The following PAX7 variants were observed in gnomAD, a reference collection of about 807,000 sequenced individuals.
PAX7 encodes the protein paired box 7.
In PAX7, 18 loss-of-function variants were observed where a neutral mutation model predicts 50.7. The observed-to-expected ratio is 0.36, with a 90% confidence interval of 0.25 to 0.53. PAX7 has a LOEUF of 0.53. Among genes scored for constraint, PAX7 ranks in the 20% least tolerant of loss-of-function variants. The pLI is 0.93. For synonymous variants in PAX7, 310 were observed against 290.4 expected (o/e 1.07, Z -0.69); for missense variants, 644 against 702.9 (o/e 0.92, Z 0.95).
At position 18,748,283 on chromosome 1, in the gene PAX7, C is replaced by A. The variant is rs1931529353; in HGVS notation, c.*3354C>A. 4.4e-6 allele frequency: 1 copy of A among 227,656 alleles called. No homozygotes were observed. The highest frequency in any genetic ancestry group is 8.7e-6 in the Non-Finnish European group (1 of 114,666). 14.1% of individuals were successfully genotyped at this position (227,656 alleles called of 1,614,324 possible). On this transcript the variant is annotated 3_prime_UTR_variant, in exon 9 of 9. Transcript: ENST00000420770. Reference sequence around the variant, plus strand: ...TGGTGAAGCATCCAAGATTTTGGATCCTGGGCCTCAGTGACACTCCATCAC... The same window carrying A: ...TGGTGAAGCATCCAAGATTTTGGATACTGGGCCTCAGTGACACTCCATCAC...
At position 18,703,222 on chromosome 1, in the gene PAX7, T is replaced by C; in HGVS notation, c.1081T>C (p.Tyr361His). Residue 361 changes from tyrosine (Y) to histidine (H), a missense_variant, in exon 7 of 9, where the codon TAC (tyrosine) becomes CAC (histidine). By Grantham distance (83) the Tyr-to-His change is moderately conservative. Coordinates refer to ENST00000420770, the MANE Select transcript of PAX7 (RefSeq NM_001135254.2). ...AYGARHSFSS[Y>H]SDSFMNPAAP... ...CGGAGCCCGCCACAGCTTCTCCAGC[T>C]ACTCTGACAGCTTCATGAATCCGGC... is the stretch of plus-strand genomic sequence containing the variant. The C allele has an allele frequency of 6.2e-7, 1 of 1,614,214 alleles. No individual in the cohort carries two copies. The highest frequency in any genetic ancestry group is 1.1e-5 in the South Asian group (1 of 91,082).
Position 18,700,372 on chromosome 1 carries a change from C to T in PAX7, c.787-281C>T, listed in dbSNP as rs573021811. Among the ~76,000 whole-genome samples the T allele has an allele frequency of 2.8e-4, 42 of 152,276 alleles. No individual in the cohort carries two copies. Among genetic ancestry groups the T allele is most frequent in the South Asian group, 2.1e-3 (10 of 4,812 alleles). On this transcript the variant is annotated intron_variant, in intron 5 of 8. Coordinates refer to ENST00000420770, the MANE Select transcript of PAX7 (RefSeq NM_001135254.2). The surrounding 1 kb of genome is among the most constrained non-coding windows in gnomAD (Gnocchi z 4.8). ...GGACTGGCTGGACCACTGACTCAAC[C>T]TGGCCCATGGACAAGTCACCCACTT...
At chr1:18,727,728 G>A (rs1238820342) in intron 7 of PAX7, among the ~76,000 whole-genome samples, 1 of 152,188 alleles carries the variant, frequency 6.6e-6, no homozygotes, top group East Asian at 1.9e-4. Context: ...GGAGGGCTTC[G>A]AGGGTGACAA....
chr1:18,744,784 A>G, intron 8 of PAX7, 30 bp from the exon 9 acceptor site: 7 of 1,364,864 alleles, frequency 5.1e-6, no homozygotes, highest in Non-Finnish European at 5.1e-6. Flanking sequence ...AAGAACCTCA[A>G]TTTCTAGGAG....
chr1:18,712,352 A>C (rs556669939), intron 7 of PAX7, among the ~76,000 whole-genome samples: 1 of 152,338 alleles, frequency 6.6e-6, no homozygotes, highest in Non-Finnish European at 1.5e-5. Flanking sequence ...CACCTGCTCA[A>C]GTCCATCAGA....
chr1:18,740,194 C>T (rs1426865469), intron 8 of PAX7, among the ~76,000 whole-genome samples: 7 of 152,206 alleles, frequency 4.6e-5, no homozygotes, highest in Non-Finnish European at 8.8e-5. Flanking sequence ...ACCCTGCCCT[C>T]GCCGGCCCCT....
In PAX7 at chr1:18,631,672, G is replaced by A; in HGVS notation, c.69G>A (p.Thr23=). The change falls in exon 1 of 9, where the codon ACG becomes ACA. Residue 23 remains threonine, a synonymous_variant. Transcript: ENST00000420770. ...CTCCGGGGCAGAACTACCCCCGCAC[G>A]GGATTCCCTTTGGAAGGTAAGAACG... ...RPAPGQNYPR[T]GFPLEVSTPL... is the part of the protein sequence containing the mutation. The A allele has an allele frequency of 6.2e-7, 1 of 1,612,742 alleles. No individual in the cohort carries two copies. Among genetic ancestry groups the A allele is most frequent in the South Asian group, 1.1e-5 (1 of 90,606 alleles).
chr1:18,702,920 A>T (rs961253892), intron 6 of PAX7, among the ~76,000 whole-genome samples, 174 bp from the exon 7 acceptor site: 16 of 152,140 alleles, frequency 1.1e-4, no homozygotes, highest in Non-Finnish European at 2.2e-4. Flanking sequence ...GCCAGTGCCT[A>T]CTGCCCTGCC....
intron 4 of PAX7, among the ~76,000 whole-genome samples, chr1:18,651,840 C>T (rs1178303984): frequency 6.7e-6 from 1 of 148,532 alleles, no homozygotes; most frequent in Non-Finnish European, 1.5e-5. Flanking sequence ...ACCCCACCGC[C>T]TCTTCATGCA....
At chr1:18,663,754 G>T (rs1203499592) in intron 4 of PAX7, among the ~76,000 whole-genome samples, 1 of 152,230 alleles carries the variant, frequency 6.6e-6, no homozygotes, top group Non-Finnish European at 1.5e-5. Context: ...GGAGGAACTG[G>T]CCGTATCCTA....
chr1:18,705,487 G>A (rs1047042692), intron 7 of PAX7, among the ~76,000 whole-genome samples: 12 of 152,166 alleles, frequency 7.9e-5, no homozygotes, highest in Admixed American at 3.3e-4. Context: ...GTACACATTG[G>A]CCAGGCCAGG....
In PAX7 at chr1:18,700,077, C is replaced by CGTGTGTGTGT. The variant is rs66600721; in HGVS notation, c.787-545_787-536dup. Among the ~76,000 whole-genome samples the CGTGTGTGTGT allele has an allele frequency of 8.2e-5, 12 of 145,770 alleles. No homozygotes were observed. Among genetic ancestry groups the CGTGTGTGTGT allele is most frequent in the Admixed American group, 2.7e-4 (4 of 14,610 alleles). On this transcript the variant is annotated intron_variant, in intron 5 of 8. Transcript: ENST00000420770. This position sits in a 1 kb window ranked among gnomAD's most constrained non-coding sequence, Gnocchi z 4.8. Reference sequence around the variant, plus strand: ...TTATCCCACTAATGTTTGATAAATCCGTGTGTGTGTGTGTGTGTGTGTGTG... The same window carrying CGTGTGTGTGT: ...TTATCCCACTAATGTTTGATAAATCCGTGTGTGTGTGTGTGTGTGTGTGTGTGTGTGTGTG...
chr1:18,703,195 T>C lies in PAX7; in HGVS notation c.1054T>C (p.Tyr352His). Residue 352 changes from tyrosine (Y) to histidine (H), a missense_variant, in exon 7 of 9, where the codon TAC becomes CAC. Coordinates refer to ENST00000420770, the MANE Select transcript of PAX7 (RefSeq NM_001135254.2). ...AAAAADTSSA[Y>H]GARHSFSSYS... ...TGCAGCCGCCGACACCAGCTCTGCC[T>C]ACGGAGCCCGCCACAGCTTCTCCAG... The C allele has an allele frequency of 1.2e-6, 2 of 1,613,846 alleles. No individual in the cohort carries two copies. The highest frequency in any genetic ancestry group is 2.7e-5 in the African/African-American group (2 of 75,072).
At chr1:18,678,492 TAG>T (rs757815820) in intron 4 of PAX7, among the ~76,000 whole-genome samples, 3 of 152,024 alleles carry the variant, frequency 2.0e-5, no homozygotes, top group Non-Finnish European at 4.4e-5. Flanking sequence ...TAAGAAAAAA[TAG>T]AGTTTCCATC....
intron 4 of PAX7, among the ~76,000 whole-genome samples, chr1:18,688,413 C>T (rs1017211555): frequency 2.0e-5 from 3 of 152,198 alleles, no homozygotes; most frequent in African/African-American, 7.2e-5. Context: ...CCACGTGTGA[C>T]TATGCAAATT....
intron 4 of PAX7, among the ~76,000 whole-genome samples, chr1:18,653,430 C>T (rs12092540): frequency 0.021 from 3,205 of 152,010 alleles, 124 homozygotes; most frequent in African/African-American, 0.073. Flanking sequence ...TAGGAAGTGG[C>T]GTTGGTTTGT....
intron 4 of PAX7, among the ~76,000 whole-genome samples, chr1:18,651,036 G>C (rs1174891645): frequency 6.6e-6 from 1 of 152,030 alleles, no homozygotes; most frequent in South Asian, 2.1e-4. Context: ...TTCAGTGCAC[G>C]GAAGGACCCC....
At chr1:18,642,946 G>T (rs1304768012) in intron 4 of PAX7, among the ~76,000 whole-genome samples, 3 of 151,806 alleles carry the variant, frequency 2.0e-5, no homozygotes, top group Non-Finnish European at 4.4e-5. Flanking sequence ...GGAAGAGACG[G>T]GGTCGAGGGC....
intron 7 of PAX7, among the ~76,000 whole-genome samples, chr1:18,721,245 G>T (rs535046388): frequency 7.4e-4 from 113 of 152,170 alleles, no homozygotes; most frequent in African/African-American, 2.6e-3. Context: ...AGAGCCCAGG[G>T]TGAGAAGTCC....
Sources: allele counts gnomAD v4.1 joint callset (sites outside exome capture counted in the v4.1 genomes callset), GRCh38; gene constraint gnomAD v4.1.1; non-coding constraint Gnocchi (gnomAD v3.1); transcripts MANE v1.5; gene names NCBI Gene and HGNC (gene_info 2026-07-23, HGNC 2026-07-21).